The following ASAP1 variants were observed in gnomAD, a reference collection of about 807,000 sequenced individuals.
The protein encoded by ASAP1 is arf-GAP with SH3 domain, ANK repeat and PH domain-containing protein 1.
Under a neutral mutation model 145.2 loss-of-function variants are expected in ASAP1, and 43 were observed. The observed-to-expected ratio is 0.30, with a 90% CI of 0.23 to 0.38. ASAP1 has a LOEUF of 0.38. Ranked by LOEUF, ASAP1 falls within the 10% of genes least tolerant of loss-of-function variation. ASAP1 has a pLI of 1.00. For missense variants in ASAP1, 1,018 were observed against 1,355.3 expected, an observed-to-expected ratio of 0.75 and a Z score of 3.91; for synonymous variants, 546 against 515.5, an observed-to-expected ratio of 1.06 and a Z score of -0.80.
At chr8:130,350,062 A>G in intron 3 of ASAP1, among the ~76,000 whole-genome samples, 1 of 152,196 alleles carries the variant, frequency 6.6e-6, no homozygotes, top group East Asian at 1.9e-4. Flanking sequence ...CAACACCACA[A>G]ATGGCTTCTA....
At chr8:130,389,988 C>T (rs1039681937) in intron 2 of ASAP1, among the ~76,000 whole-genome samples, 1 of 152,214 alleles carries the variant, frequency 6.6e-6, no homozygotes, top group Non-Finnish European at 1.5e-5. Context: ...TCTCAAACTA[C>T]GTCTGCATCA....
intron 3 of ASAP1, among the ~76,000 whole-genome samples, chr8:130,279,362 T>C (rs143356134): frequency 7.2e-5 from 11 of 152,158 alleles, no homozygotes; most frequent in African/African-American, 2.2e-4. Flanking sequence ...CTGTCCCACA[T>C]GGAGTCTTGA....
intron 3 of ASAP1, among the ~76,000 whole-genome samples, chr8:130,338,309 T>G (rs1825162983): frequency 6.6e-6 from 1 of 152,200 alleles, no homozygotes; most frequent in African/African-American, 2.4e-5. Flanking sequence ...CCTACCTAAA[T>G]GGTGGTCATG....
chr8:130,382,072 G>C (rs1827795005), intron 2 of ASAP1, among the ~76,000 whole-genome samples: 2 of 151,982 alleles, frequency 1.3e-5, no homozygotes, highest in African/African-American at 2.4e-5. Flanking sequence ...AGATCACGAG[G>C]TCAGGAGATC....
rs575606910 is a variant in ASAP1, at chr8:130,332,566, T to C, written c.186+25451A>G. On this transcript the variant is annotated intron_variant, in intron 3 of 29. Transcript: ENST00000518721. ...ACCCCAAAGTGGAATTCAACATCAATAGCAATGCTTTTGGAAATATTCCAG... is the reference window on the plus strand; with the variant it reads ...ACCCCAAAGTGGAATTCAACATCAACAGCAATGCTTTTGGAAATATTCCAG... Among the ~76,000 whole-genome samples, 4 of 152,358 alleles carry C rather than the reference T, an allele frequency of 2.6e-5. No homozygotes were observed. In the South Asian group the frequency reaches 8.3e-4, roughly 32 times the overall value.
chr8:130,277,823 G>A (rs1056154683), intron 3 of ASAP1, among the ~76,000 whole-genome samples: 1 of 152,162 alleles, frequency 6.6e-6, no homozygotes, highest in Admixed American at 6.5e-5. Context: ...GTTGACGAAG[G>A]GCTGTAGGCG....
chr8:130,060,032 C>T lies in ASAP1; in HGVS notation c.3192+547G>A, dbSNP rs1293748357. Reference sequence around the variant, plus strand: ...GACTGAGGCTGCAGTGAGCTGTGATCGCACCACTGCACTCCAGCCTGGGCG... The same window carrying T: ...GACTGAGGCTGCAGTGAGCTGTGATTGCACCACTGCACTCCAGCCTGGGCG... On this transcript the variant is annotated intron_variant, in intron 28 of 29. Transcript: ENST00000518721. Among the ~76,000 whole-genome samples the T allele has an allele frequency of 4.2e-5, 6 of 144,490 alleles. No individual in the cohort carries two copies. In the South Asian group the frequency reaches 6.8e-4, roughly 16 times the overall value. 94.8% of individuals were successfully genotyped at this position (144,490 alleles called of 152,430 possible).
chr8:130,077,380 G>A (rs1265346741), intron 26 of ASAP1, among the ~76,000 whole-genome samples: 1 of 152,122 alleles, frequency 6.6e-6, no homozygotes, highest in Non-Finnish European at 1.5e-5. Flanking sequence ...TCTTTAACAA[G>A]AGGTTTTGGC....
intron 3 of ASAP1, among the ~76,000 whole-genome samples, chr8:130,332,602 A>G (rs997128154): frequency 6.6e-5 from 10 of 152,188 alleles, no homozygotes; most frequent in African/African-American, 2.2e-4. Flanking sequence ...AATGCAAAAC[A>G]ACTTTTCGTT....
intron 3 of ASAP1, among the ~76,000 whole-genome samples, chr8:130,254,264 T>G (rs1819381881): frequency 6.6e-6 from 1 of 152,230 alleles, no homozygotes; most frequent in South Asian, 2.1e-4. Flanking sequence ...TTTTAGATGC[T>G]TTTATTTAAT....
intron 4 of ASAP1, among the ~76,000 whole-genome samples, chr8:130,219,857 A>G (rs984556208): frequency 6.6e-6 from 1 of 152,160 alleles, no homozygotes. Flanking sequence ...TGGCATGAAC[A>G]TGGCTCACTG....
In ASAP1 at chr8:130,169,056, T is replaced by C. The variant is rs772718510; in HGVS notation, c.758A>G (p.Asp253Gly). 1.9e-6 allele frequency: 3 copies of C among 1,564,668 alleles called. No individual in the cohort carries two copies. The highest frequency in any genetic ancestry group is 2.6e-6 in the Non-Finnish European group (3 of 1,159,152). Residue 253 changes from aspartate to glycine, a missense_variant, in exon 10 of 30, where the codon GAT (aspartate) becomes GGT (glycine). Physicochemically the swap from Asp to Gly is moderately conservative, Grantham distance 94 (BLOSUM62 -1). Coordinates refer to ENST00000518721, the MANE Select transcript of ASAP1 (RefSeq NM_018482.4). ...YYHAQCNFFQ[D>G]GLKTADKLKQ... ...CAACTTATCAGCTGTTTTCAAGCCATCTTGAAAGAAACTACAATTAAAAAA... is the reference window on the plus strand; with the variant it reads ...CAACTTATCAGCTGTTTTCAAGCCACCTTGAAAGAAACTACAATTAAAAAA...
intron 4 of ASAP1, among the ~76,000 whole-genome samples, chr8:130,224,898 G>A (rs971884598): frequency 1.3e-5 from 2 of 152,140 alleles, no homozygotes; most frequent in Admixed American, 1.3e-4. Context: ...AGTTAATATT[G>A]CCACATTCTT....
intron 1 of ASAP1, among the ~76,000 whole-genome samples, chr8:130,406,803 T>C (rs1346241761): frequency 1.3e-5 from 2 of 152,144 alleles, no homozygotes; most frequent in Admixed American, 6.5e-5. Flanking sequence ...ATCTTTAAAA[T>C]TGGATTTCCT....
intron 1 of ASAP1, among the ~76,000 whole-genome samples, chr8:130,432,061 G>A (rs1280495741): frequency 3.8e-5 from 4 of 105,702 alleles, no homozygotes; most frequent in African/African-American, 1.5e-4. Context: ...GAAGAGAGAG[G>A]AGGAAAGGAG....
chr8:130,178,644 TAGGCCA>T (rs141890109), intron 9 of ASAP1, among the ~76,000 whole-genome samples: 2,720 of 152,196 alleles, frequency 0.018, 36 homozygotes, highest in East Asian at 0.063. Context: ...GGTGCAATAA[TAGGCCA>T]AGGCCAAGGT....
intron 9 of ASAP1, among the ~76,000 whole-genome samples, chr8:130,178,030 T>A (rs1814085412): frequency 1.3e-5 from 2 of 152,346 alleles, no homozygotes; most frequent in Admixed American, 1.3e-4. Context: ...CTCATCTAAT[T>A]TGTCTAACCC....
rs749522314 is a variant in ASAP1 at position 130,217,498 on chromosome 8, TTATATGTGTA to T, written c.260-2807_260-2798del. 1.4e-3 allele frequency among the ~76,000 whole-genome samples: 206 copies of T among 151,070 alleles called. 1 individual carries two copies. Among genetic ancestry groups the T allele is most frequent in the African/African-American group, 3.6e-3 (149 of 41,170 alleles). ...ATATATACACACGTATATATGTATA[TTATATGTGTA>T]TATATGTGTATATATGTGTGTATAT... On this transcript the variant is annotated intron_variant, in intron 4 of 29. Transcript: ENST00000518721.
At chr8:130,090,257 C>T (rs571135480) in intron 25 of ASAP1, among the ~76,000 whole-genome samples, 180 of 147,150 alleles carry the variant, frequency 1.2e-3, no homozygotes, top group African/African-American at 4.8e-3. Context: ...GCACTTCAAA[C>T]CTTAAGAAAT....
Sources: gnomAD v4.1 joint callset for allele counts (sites outside exome capture counted in the v4.1 genomes callset) on GRCh38, gnomAD v4.1.1 for gene constraint, MANE v1.5 for transcripts, NCBI Gene and HGNC (gene_info 2026-07-23, HGNC 2026-07-21) for gene names.